The following TMEM181 variants were observed in gnomAD, a reference collection of about 807,000 sequenced individuals.
TMEM181 encodes the protein transmembrane protein 181, also known as G protein-coupled receptor 178.
Under a neutral mutation model 71.9 loss-of-function variants are expected in TMEM181, and 39 were observed. The ratio of observed to expected loss-of-function variants is 0.54; its 90% CI spans 0.42 to 0.71. The LOEUF (loss-of-function observed/expected upper bound fraction) is 0.71, where lower values mean the gene tolerates loss of function less well. Ranked by LOEUF, TMEM181 falls within the 30% of genes least tolerant of loss-of-function variation. The probability of loss-of-function intolerance (pLI) is 0.00; values close to 1 mark genes in which losing one functional copy is unlikely to be tolerated. For synonymous variants in TMEM181, 245 were observed against 228.8 expected, an observed-to-expected ratio of 1.07 and a Z score of -0.64; for missense variants, 595 against 583.0, an observed-to-expected ratio of 1.02 and a Z score of -0.21.
chr6:158,536,762 C>A (rs779802741), exon 1 of TMEM181: 2 of 1,576,526 alleles, frequency 1.3e-6, no homozygotes, highest in Middle Eastern at 1.7e-4. Context: ...TGCCTTTGAG[C>A]CCCCGCTCTG....
At chr6:158,576,747 T>C (rs1317090534) in intron 2 of TMEM181, among the ~76,000 whole-genome samples, 1 of 152,124 alleles carries the variant, frequency 6.6e-6, no homozygotes, top group African/African-American at 2.4e-5. Flanking sequence ...TTATTAGATT[T>C]AAGTGTCCAC....
intron 2 of TMEM181, among the ~76,000 whole-genome samples, chr6:158,576,611 C>T (rs1174285691): frequency 6.6e-6 from 1 of 152,026 alleles, no homozygotes; most frequent in Non-Finnish European, 1.5e-5. Flanking sequence ...TCAGAGAAAA[C>T]CTTAAGTTTA....
At chr6:158,559,603 G>T (rs1782036718), upstream of TMEM181, among the ~76,000 whole-genome samples, 1 of 152,218 alleles carries the variant, frequency 6.6e-6, no homozygotes, top group Non-Finnish European at 1.5e-5. Flanking sequence ...GAAGCGGCTT[G>T]CGGGAGAAGC....
chr6:158,573,027 A>G (rs1006261338), intron 1 of TMEM181, among the ~76,000 whole-genome samples: 9 of 151,894 alleles, frequency 5.9e-5, no homozygotes, highest in Non-Finnish European at 1.3e-4. Flanking sequence ...TGGGTGTGCC[A>G]GTGTGTGTGC....
intron 1 of TMEM181, among the ~76,000 whole-genome samples, chr6:158,541,083 ATC>A (rs1410276353): frequency 2.0e-5 from 3 of 152,046 alleles, no homozygotes; most frequent in Non-Finnish European, 4.4e-5. Flanking sequence ...CCTGGGCTGG[ATC>A]TCTGCCAGGA....
chr6:158,620,264 C>T lies in TMEM181; in HGVS notation c.897-3286C>T, dbSNP rs940973528. The stretch of plus-strand genomic sequence containing the variant: ...CATCCCCAGACAAGAGACCTGGAAT[C>T]TTCTTTCCAAAGAGGACAGTTAAGC... On this transcript the variant is annotated intron_variant, in intron 10 of 16. Transcript: ENST00000684151. The surrounding 1 kb of genome is among the most constrained non-coding windows in gnomAD (Gnocchi z 4.5). Among the ~76,000 whole-genome samples, 3 of 152,092 alleles carry T rather than the reference C, an allele frequency of 2.0e-5. No homozygotes were observed. Among genetic ancestry groups the T allele is most frequent in the Non-Finnish European group, 4.4e-5 (3 of 68,016 alleles).
At chr6:158,577,061 CAAAAAAAA>C (rs5881280) in intron 2 of TMEM181, among the ~76,000 whole-genome samples, 16 of 76,060 alleles carry the variant, frequency 2.1e-4, no homozygotes, top group Non-Finnish European at 4.0e-4. Flanking sequence ...GACTCCATCT[CAAAAAAAA>C]AAAAAAAAAA....
At chr6:158,564,535 T>G (rs1782375985) in intron 1 of TMEM181, among the ~76,000 whole-genome samples, 1 of 152,136 alleles carries the variant, frequency 6.6e-6, no homozygotes, top group South Asian at 2.1e-4. Context: ...TAGAATGAAA[T>G]CCAAAATGCT....
intron 2 of TMEM181, among the ~76,000 whole-genome samples, chr6:158,580,527 G>T (rs1783413886): frequency 6.6e-6 from 1 of 152,166 alleles, no homozygotes; most frequent in South Asian, 2.1e-4. Context: ...TTGGAAGACG[G>T]GATTAATTGG....
intron 5 of TMEM181, among the ~76,000 whole-genome samples, chr6:158,588,510 C>T (rs768985385): frequency 6.6e-6 from 1 of 152,174 alleles, no homozygotes; most frequent in Non-Finnish European, 1.5e-5. Context: ...AGTGCAATGG[C>T]GTGATCTTGG....
intron 2 of TMEM181, among the ~76,000 whole-genome samples, chr6:158,577,315 A>C (rs944316522): frequency 2.6e-5 from 4 of 152,204 alleles, no homozygotes; most frequent in Non-Finnish European, 4.4e-5. Context: ...GGAGATGAAA[A>C]GTACGCTAGA....
At chr6:158,547,887 CAAAAAAAAAAAAA>C (rs34148643) in intron 1 of TMEM181, among the ~76,000 whole-genome samples, 1 of 57,040 alleles carries the variant, frequency 1.8e-5, no homozygotes, top group African/African-American at 7.5e-5. Flanking sequence ...AACTCTGTCT[CAAAAAAAAAAAAA>C]AAAAAAAAAA....
intron 14 of TMEM181, 23 bp from the exon 15 acceptor site, chr6:158,629,707 G>A (rs1483119231): frequency 5.1e-6 from 8 of 1,582,996 alleles, no homozygotes; most frequent in East Asian, 2.3e-5. Context: ...CAGATGCCGC[G>A]TTCCTTCCCT....
At chr6:158,629,944 C>A in intron 15 of TMEM181, 125 bp downstream of exon 15, 1 of 800,700 alleles carries the variant, frequency 1.2e-6, no homozygotes, top group Non-Finnish European at 2.1e-6. Flanking sequence ...CTTCTCTTGG[C>A]AGAGAGAGAG....
intron 10 of TMEM181, chr6:158,611,174 T>C (rs1785282130): frequency 1.9e-6 from 1 of 527,604 alleles, no homozygotes; most frequent in African/African-American, 1.9e-5. Context: ...GCTGCTCCTC[T>C]CTGGCACTGT....
intron 5 of TMEM181, among the ~76,000 whole-genome samples, chr6:158,589,313 A>G (rs998838931): frequency 2.0e-5 from 3 of 152,246 alleles, no homozygotes; most frequent in Non-Finnish European, 4.4e-5. Context: ...AGGCCGCGGC[A>G]TCTGCATTGA....
Position 158,631,810 on chromosome 6 carries a change from G to T in TMEM181, c.1350G>T (p.Gly450=), listed in dbSNP as rs765326587. 1 of 1,596,292 alleles carries T rather than the reference G, an allele frequency of 6.3e-7. No homozygotes were observed. The highest frequency in any genetic ancestry group is 1.1e-5 in the South Asian group (1 of 88,000). ...LNDSDDDVIY[G]SDYEEMPLQN... Reference sequence around the variant, plus strand: ...GTCTCAAAGGTCTCTTTGCTCACAGGAGTGACTATGAGGAAATGCCGCTGC... The same window carrying T: ...GTCTCAAAGGTCTCTTTGCTCACAGTAGTGACTATGAGGAAATGCCGCTGC... Residue 450 remains glycine, a splice_region_variant and synonymous_variant, in exon 17 of 17, where the codon GGG becomes GGT. Transcript: ENST00000684151.
At chr6:158,622,718 G>T (rs1039827449) in intron 10 of TMEM181, among the ~76,000 whole-genome samples, 5 of 152,166 alleles carry the variant, frequency 3.3e-5, no homozygotes, top group African/African-American at 9.7e-5. Flanking sequence ...TGACACATTC[G>T]TTTTTGCTTA....
Position 158,607,495 on chromosome 6 carries a change from T to C in TMEM181, c.673+152T>C, listed in dbSNP as rs1221006490. On this transcript the variant is annotated intron_variant, in intron 8 of 16. Coordinates refer to ENST00000684151, the MANE Select transcript of TMEM181 (RefSeq NM_001376852.1). ...GAGTTTAACACCAGCCTGGGTAACA[T>C]AGCAAGACTCTACAAAAAATAAAAT... 3 of 679,034 alleles carry C rather than the reference T, an allele frequency of 4.4e-6. No homozygotes were observed. In the African/African-American group the frequency reaches 5.4e-5, roughly 12 times the overall value. The allele number at this position is 679,034 out of a possible 1,614,324, so 42.1% of individuals were successfully genotyped here.
Sources: allele counts gnomAD v4.1 joint callset (sites outside exome capture counted in the v4.1 genomes callset), GRCh38; gene constraint gnomAD v4.1.1; non-coding constraint Gnocchi (gnomAD v3.1); transcripts MANE v1.5; gene names NCBI Gene and HGNC (gene_info 2026-07-23, HGNC 2026-07-21).